Variants in NUDT21 observed in about 807,000 individuals in gnomAD.
NUDT21 encodes the protein cleavage and polyadenylation specificity factor subunit 5.
In NUDT21, 5 loss-of-function variants were observed where a neutral mutation model predicts 29.8. The observed-to-expected ratio is 0.17, with a 90% CI of 0.09 to 0.35. The LOEUF is 0.35. NUDT21 is among the 10% of genes least tolerant of loss of function. The pLI is 1.00. For missense variants in NUDT21, 76 were observed against 276.0 expected, an observed-to-expected ratio of 0.28 and a Z score of 5.13; for synonymous variants, 113 against 98.5, an observed-to-expected ratio of 1.15 and a Z score of -0.87.
chr16:56,450,174 T>C (rs1791768489), intron 1 of NUDT21, among the ~76,000 whole-genome samples: 1 of 152,148 alleles, frequency 6.6e-6, no homozygotes, highest in Non-Finnish European at 1.5e-5. Flanking sequence ...AACTGGCCAC[T>C]TTCCTCCATC....
rs956655608 is a variant in NUDT21, at chr16:56,439,765, C to A, written c.382-19G>T. ...CCAGTATCTGTCAAAAAGAAATAAGCCAGTAAACAACTAAATATATGTACT... is the reference window on the plus strand; with the variant it reads ...CCAGTATCTGTCAAAAAGAAATAAGACAGTAAACAACTAAATATATGTACT... On this transcript the variant is annotated intron_variant, in intron 3 of 6. Transcript: ENST00000300291. 1.3e-6 allele frequency: 2 copies of A among 1,586,992 alleles called. No individual in the cohort carries two copies. Among genetic ancestry groups the A allele is most frequent in the Non-Finnish European group, 1.7e-6 (2 of 1,155,348 alleles).
chr16:56,448,650 C>G (rs989978663), intron 1 of NUDT21, among the ~76,000 whole-genome samples: 1 of 152,182 alleles, frequency 6.6e-6, no homozygotes, highest in African/African-American at 2.4e-5. Flanking sequence ...ATCGAAAACT[C>G]TCTTCCTTTA....
intron 4 of NUDT21, among the ~76,000 whole-genome samples, chr16:56,435,743 T>TTATTTATATATATATATATA (rs1555514703): frequency 7.4e-5 from 2 of 27,070 alleles, no homozygotes; most frequent in African/African-American, 2.8e-4. Context: ...AAAAAAAAAA[T>TTATTTATATATATATATATA]TATATATATA....
At chr16:56,449,236 A>C (rs1962251095) in intron 1 of NUDT21, 1 of 152,238 alleles carries the variant, frequency 6.6e-6, no homozygotes, top group African/African-American at 2.4e-5. Context: ...CCAATATATC[A>C]GTAAGGAGAT....
intron 3 of NUDT21, among the ~76,000 whole-genome samples, chr16:56,441,174 C>G (rs182655747): frequency 6.6e-6 from 1 of 152,350 alleles, no homozygotes; most frequent in East Asian, 1.9e-4. Context: ...ACTGGGATTA[C>G]AGGTGTGAGC....
intron 3 of NUDT21, among the ~76,000 whole-genome samples, chr16:56,444,284 T>TA (rs1426698604): frequency 1.3e-5 from 2 of 151,216 alleles, no homozygotes; most frequent in Non-Finnish European, 3.0e-5. Context: ...ACCCTGTCTC[T>TA]AAAAAAAATA....
chr16:56,446,862 C>G (rs1430664437), intron 2 of NUDT21, 173 bp from the exon 3 acceptor site: 2 of 510,826 alleles, frequency 3.9e-6, no homozygotes, highest in African/African-American at 4.0e-5. Flanking sequence ...TGTCAATTCC[C>G]CAGACTAACA....
chr16:56,440,203 A>G (rs542973482), intron 3 of NUDT21, among the ~76,000 whole-genome samples: 1 of 152,204 alleles, frequency 6.6e-6, no homozygotes, highest in Non-Finnish European at 1.5e-5. Flanking sequence ...GGTCTTAAAT[A>G]AACGGTTTAT....
chr16:56,450,681 T>TA (rs1402856667), intron 1 of NUDT21, among the ~76,000 whole-genome samples: 1 of 152,232 alleles, frequency 6.6e-6, no homozygotes, highest in Non-Finnish European at 1.5e-5. Context: ...GCAAAAATGA[T>TA]ACTAGGTTAT....
chr16:56,436,007 T>C (rs1962100257), intron 4 of NUDT21, among the ~76,000 whole-genome samples: 1 of 145,894 alleles, frequency 6.9e-6, no homozygotes, highest in South Asian at 2.1e-4. Context: ...GAAACAAATA[T>C]AAAAATATAT....
intron 4 of NUDT21, among the ~76,000 whole-genome samples, chr16:56,438,270 A>G (rs1193551384): frequency 2.0e-5 from 3 of 152,170 alleles, no homozygotes; most frequent in Admixed American, 2.0e-4. Context: ...GTCTCTCACT[A>G]TCTCTTGGAT....
chr16:56,441,472 A>C (rs1276787033), intron 3 of NUDT21, among the ~76,000 whole-genome samples: 2 of 152,026 alleles, frequency 1.3e-5, no homozygotes, highest in Non-Finnish European at 1.5e-5. Context: ...TGACCTTGTG[A>C]TCCACCTGCC....
intron 3 of NUDT21, 45 bp downstream of exon 3, chr16:56,446,581 A>T: frequency 9.1e-7 from 1 of 1,100,852 alleles, no homozygotes; most frequent in Non-Finnish European, 1.3e-6. Flanking sequence ...AAAGCCAAAT[A>T]ACTAGTAAGT....
chr16:56,443,345 T>C (rs752048753), intron 3 of NUDT21, among the ~76,000 whole-genome samples: 12 of 151,970 alleles, frequency 7.9e-5, no homozygotes, highest in Non-Finnish European at 1.6e-4. Context: ...CCCAGCTAAT[T>C]TGTTTATGTT....
At chr16:56,436,508 G>C (rs2143935216) in intron 4 of NUDT21, among the ~76,000 whole-genome samples, 1 of 152,276 alleles carries the variant, frequency 6.6e-6, no homozygotes, top group South Asian at 2.1e-4. Flanking sequence ...AATGAATTGA[G>C]GCAATTGTCC....
intron 1 of NUDT21, 50 bp downstream of exon 1, chr16:56,451,037 T>C (rs1317352788): frequency 2.6e-6 from 4 of 1,510,650 alleles, no homozygotes; most frequent in Non-Finnish European, 3.7e-6. Flanking sequence ...TCGGAGAGTC[T>C]ATAGGAGCTT....
chr16:56,444,038 A>T (rs1439907471), intron 3 of NUDT21, among the ~76,000 whole-genome samples: 1 of 152,158 alleles, frequency 6.6e-6, no homozygotes, highest in African/African-American at 2.4e-5. Context: ...CATGCATGTA[A>T]TCCCAATGCT....
At chr16:56,435,591 T>C (rs1962088167) in intron 4 of NUDT21, among the ~76,000 whole-genome samples, 1 of 146,940 alleles carries the variant, frequency 6.8e-6, no homozygotes, top group Non-Finnish European at 1.5e-5. Context: ...CCAGGCGTGG[T>C]GGCGGGCGCC....
chr16:56,430,122 TAA>T lies in NUDT21; in HGVS notation c.*2588_*2589del, dbSNP rs1192773859. 6.6e-6 allele frequency: 1 copy of T among 152,166 alleles called. No homozygotes were observed. Among genetic ancestry groups the T allele is most frequent in the Non-Finnish European group, 1.5e-5 (1 of 68,004 alleles). The allele number at this position is 152,166 out of a possible 1,614,324, so 9.4% of individuals were successfully genotyped here. A position where few individuals can be genotyped will look rare whatever the true frequency, so the allele number is the denominator to read the frequency against. On this transcript the variant is annotated 3_prime_UTR_variant, in exon 7 of 7. Coordinates refer to ENST00000300291, the MANE Select transcript of NUDT21 (RefSeq NM_007006.3). ...TAAGTGAATGCTATTTATAAGACAA[TAA>T]AAAGTTTTAAAATCTTCCAAATGTG... is the stretch of plus-strand genomic sequence containing the variant.
Sources: allele counts gnomAD v4.1 joint callset (sites outside exome capture counted in the v4.1 genomes callset), GRCh38; gene constraint gnomAD v4.1.1; transcripts MANE v1.5; gene names NCBI Gene and HGNC (gene_info 2026-07-23, HGNC 2026-07-21).